KHDRBS2: variants seen among roughly 807,000 people sequenced by gnomAD.
The protein encoded by KHDRBS2 is KH domain-containing, RNA-binding, signal transduction-associated protein 2.
In KHDRBS2, 26 loss-of-function variants were observed where a neutral mutation model predicts 44.3. The ratio of observed to expected loss-of-function variants is 0.59; its 90% CI spans 0.43 to 0.81. KHDRBS2 has a LOEUF of 0.81. Among genes scored for constraint, KHDRBS2 ranks in the 40% least tolerant of loss-of-function variants. KHDRBS2 has a pLI of 0.00. For synonymous variants in KHDRBS2, 194 were observed against 151.1 expected (o/e 1.28, Z -2.08); for missense variants, 476 against 433.1 (o/e 1.10, Z -0.88).
chr6:61,566,786 A>T, the KHDRBS2 span, among the ~76,000 whole-genome samples: 2 of 152,164 alleles, frequency 1.3e-5, no homozygotes, highest in South Asian at 4.1e-4. Flanking sequence ...CCACAGATCC[A>T]AGGGAAGTAA....
At chr6:62,156,124 C>A (rs1283001824) in intron 2 of KHDRBS2, among the ~76,000 whole-genome samples, 2 of 152,116 alleles carry the variant, frequency 1.3e-5, no homozygotes, top group Non-Finnish European at 2.9e-5. Flanking sequence ...ATAAAAGGAT[C>A]TTAGCAATGC....
intron 3 of KHDRBS2, among the ~76,000 whole-genome samples, chr6:62,008,001 T>C (rs979979018): frequency 1.3e-5 from 2 of 152,090 alleles, no homozygotes; most frequent in African/African-American, 4.8e-5. Flanking sequence ...ATATACAAAA[T>C]GAATTTCATA....
intron 8 of KHDRBS2, among the ~76,000 whole-genome samples, chr6:61,683,583 TA>T (rs200129091): frequency 1.3e-5 from 2 of 151,896 alleles, no homozygotes; most frequent in African/African-American, 4.8e-5. Context: ...AACATTTATT[TA>T]AAAAACTCTT....
intron 2 of KHDRBS2, among the ~76,000 whole-genome samples, chr6:62,089,187 C>T (rs550489556): frequency 2.0e-5 from 3 of 150,094 alleles, no homozygotes; most frequent in Non-Finnish European, 3.0e-5. Flanking sequence ...TGAGCTAGAT[C>T]GCTTGGCTCC....
intron 6 of KHDRBS2, among the ~76,000 whole-genome samples, chr6:61,807,249 G>A (rs546132936): frequency 3.2e-4 from 49 of 152,186 alleles, no homozygotes; most frequent in East Asian, 9.7e-4. Context: ...TTAAGCCATC[G>A]TGGAAAGCAG....
At chr6:61,697,634 A>G (rs551191644) in intron 7 of KHDRBS2, among the ~76,000 whole-genome samples, 2 of 152,232 alleles carry the variant, frequency 1.3e-5, no homozygotes, top group African/African-American at 4.8e-5. Context: ...ATCTTAAGAA[A>G]TATGCATCAT....
chr6:61,973,722 C>A (rs1249676785), intron 4 of KHDRBS2, among the ~76,000 whole-genome samples: 2 of 151,372 alleles, frequency 1.3e-5, no homozygotes, highest in Non-Finnish European at 2.9e-5. Flanking sequence ...ATATATATAT[C>A]TTTCCTTTAA....
intron 2 of KHDRBS2, among the ~76,000 whole-genome samples, chr6:62,058,644 C>G (rs1790874802): frequency 6.6e-6 from 1 of 151,728 alleles, no homozygotes; most frequent in Non-Finnish European, 1.5e-5. Flanking sequence ...TACCAATCAT[C>G]AAAAAACATT....
intron 6 of KHDRBS2, among the ~76,000 whole-genome samples, chr6:61,851,260 TG>T: frequency 1.0e-5 from 1 of 98,262 alleles, no homozygotes; most frequent in East Asian, 2.8e-4. Context: ...TGTATATAGG[TG>T]TATATATATA....
chr6:61,840,241 A>G (rs1793391016), intron 6 of KHDRBS2, among the ~76,000 whole-genome samples: 2 of 152,122 alleles, frequency 1.3e-5, no homozygotes, highest in Non-Finnish European at 2.9e-5. Context: ...AACTAGTAGC[A>G]ATGGATCTTT....
At chr6:61,828,432 C>T (rs575340745) in intron 6 of KHDRBS2, among the ~76,000 whole-genome samples, 8 of 152,272 alleles carry the variant, frequency 5.3e-5, no homozygotes, top group African/African-American at 1.9e-4. Flanking sequence ...GTTACAGGTG[C>T]GGGTGAAGGG....
At chr6:62,175,185 T>A (rs1820838779) in intron 2 of KHDRBS2, among the ~76,000 whole-genome samples, 1 of 151,706 alleles carries the variant, frequency 6.6e-6, no homozygotes, top group Non-Finnish European at 1.5e-5. Flanking sequence ...AATTTCACTC[T>A]TTTTCTATCA....
At chr6:61,579,146 C>T in the KHDRBS2 span, among the ~76,000 whole-genome samples, 1 of 152,096 alleles carries the variant, frequency 6.6e-6, no homozygotes, top group Non-Finnish European at 1.5e-5. Flanking sequence ...TTGATAGAAA[C>T]CTCCCTCCTT....
intron 3 of KHDRBS2, among the ~76,000 whole-genome samples, chr6:62,007,316 A>C (rs1246637903): frequency 6.6e-6 from 1 of 151,950 alleles, no homozygotes; most frequent in Non-Finnish European, 1.5e-5. Flanking sequence ...GTAAAGGTCC[A>C]GTTCTGAGGA....
intron 6 of KHDRBS2, among the ~76,000 whole-genome samples, chr6:61,815,767 C>G (rs1194720765): frequency 1.3e-5 from 2 of 152,184 alleles, no homozygotes; most frequent in Non-Finnish European, 2.9e-5. Context: ...ACTGCTTTCA[C>G]TTTGAGTGGC....
chr6:62,147,943 G>C (rs1460705985), intron 2 of KHDRBS2, among the ~76,000 whole-genome samples: 5 of 151,684 alleles, frequency 3.3e-5, no homozygotes, highest in Non-Finnish European at 7.4e-5. Context: ...TTGGAACTAG[G>C]AATAAATAAA....
intron 4 of KHDRBS2, among the ~76,000 whole-genome samples, chr6:61,907,028 C>T (rs1221279027): frequency 1.3e-5 from 2 of 152,060 alleles, no homozygotes; most frequent in Non-Finnish European, 2.9e-5. Context: ...TCCCACCAAA[C>T]AGTGTATGAG....
At chr6:61,797,785 A>T (rs2127588174) in intron 6 of KHDRBS2, among the ~76,000 whole-genome samples, 1 of 149,636 alleles carries the variant, frequency 6.7e-6, no homozygotes, top group Admixed American at 6.7e-5. Flanking sequence ...ATCGTATATA[A>T]TTTATATATT....
At chr6:62,181,578 A>G (rs1444866266) in intron 1 of KHDRBS2, among the ~76,000 whole-genome samples, 1 of 151,984 alleles carries the variant, frequency 6.6e-6, no homozygotes, top group Non-Finnish European at 1.5e-5. Context: ...CTTGTACATT[A>G]TTGATGAAAA....
Sources: gnomAD v4.1 joint callset for allele counts (sites outside exome capture counted in the v4.1 genomes callset) on GRCh38, gnomAD v4.1.1 for gene constraint, MANE v1.5 for transcripts, NCBI Gene and HGNC (gene_info 2026-07-23, HGNC 2026-07-21) for gene names.